GNPTAB: variants seen among roughly 807,000 people sequenced by gnomAD.
GNPTAB encodes the protein N-acetylglucosamine-1-phosphotransferase subunits alpha/beta.
A neutral mutation model predicts 136.6 loss-of-function variants in GNPTAB; 92 were observed. The observed-to-expected ratio is 0.67, with a 90% confidence interval of 0.57 to 0.80. The LOEUF (loss-of-function observed/expected upper bound fraction) is 0.80, where lower values mean the gene tolerates loss of function less well. GNPTAB is among the 30% of genes least tolerant of loss of function. The pLI is 0.00. For synonymous variants in GNPTAB, 512 were observed against 535.1 expected, an observed-to-expected ratio of 0.96 and a Z score of 0.60; for missense variants, 1,343 against 1,501.8, an observed-to-expected ratio of 0.89 and a Z score of 1.75.
At chr12:101,747,453 G>A (rs371069588) in intron 20 of GNPTAB, among the ~76,000 whole-genome samples, 1 of 152,114 alleles carries the variant, frequency 6.6e-6, no homozygotes, top group Admixed American at 6.5e-5. Flanking sequence ...CTAGATATGT[G>A]CCCACAAAGA....
intron 1 of GNPTAB, among the ~76,000 whole-genome samples, chr12:101,799,712 A>AC (rs1869497549): frequency 7.6e-6 from 1 of 131,214 alleles, no homozygotes; most frequent in African/African-American, 3.2e-5. Flanking sequence ...TGAAGTCAGG[A>AC]AGTACCTTGC....
intron 12 of GNPTAB, 121 bp from the exon 13 acceptor site, chr12:101,765,425 T>G (rs779859357): frequency 2.8e-6 from 2 of 725,252 alleles, no homozygotes; most frequent in African/African-American, 1.8e-5. Context: ...GAATGCATCA[T>G]GAATTTGCAT....
chr12:101,826,987 G>A (rs1380606310), intron 1 of GNPTAB, among the ~76,000 whole-genome samples: 1 of 128,186 alleles, frequency 7.8e-6, no homozygotes, highest in East Asian at 2.2e-4. Flanking sequence ...TTGAGACCAG[G>A]TCTACCAGGC....
chr12:101,783,400 G>A lies in GNPTAB; in HGVS notation c.571+2612C>T, dbSNP rs141544155. ...AAGGAAAATAAAATGTCCCAAGGGAGAGGGATTACGTGAGTTCTGTGTGAC... is the reference window on the plus strand; with the variant it reads ...AAGGAAAATAAAATGTCCCAAGGGAAAGGGATTACGTGAGTTCTGTGTGAC... On this transcript the variant is annotated intron_variant, in intron 5 of 20. Transcript: ENST00000299314. 1.8e-4 allele frequency among the ~76,000 whole-genome samples: 27 copies of A among 152,306 alleles called. No homozygotes were observed. The East Asian group carries it at 4.6e-3, about 26-fold the overall frequency.
chr12:101,804,969 T>C (rs1266067472), intron 1 of GNPTAB, among the ~76,000 whole-genome samples: 5 of 152,208 alleles, frequency 3.3e-5, no homozygotes, highest in Non-Finnish European at 5.9e-5. Context: ...CTATAGGATG[T>C]ATAAGGTATT....
intron 2 of GNPTAB, chr12:101,795,954 G>T: frequency 2.8e-6 from 1 of 350,912 alleles, no homozygotes; most frequent in Admixed American, 4.5e-5. Flanking sequence ...GTCTTGTGAA[G>T]AGGAAAAAAA....
chr12:101,823,263 C>T (rs1439458880), intron 1 of GNPTAB, among the ~76,000 whole-genome samples: 6 of 152,076 alleles, frequency 3.9e-5, no homozygotes, highest in African/African-American at 4.8e-5. Flanking sequence ...GCCAGGTATG[C>T]GGTGTAGGCA....
chr12:101,760,043 T>C lies in GNPTAB; in HGVS notation c.3236A>G (p.Tyr1079Cys), dbSNP rs753813157. Residue 1079 changes from tyrosine to cysteine, a missense_variant, in exon 16 of 21, where the codon TAT (tyrosine) becomes TGT (cysteine). Coordinates refer to ENST00000299314, the MANE Select transcript of GNPTAB (RefSeq NM_024312.5). ...NNIPPTQESYYDPNLPPVTKS... is the reference protein window; with the variant it reads ...NNIPPTQESYCDPNLPPVTKS... ...CATTCCACTTACCAGGTTGGGATCA[T>C]AGTAGGATTCCTGAGTTGGTGGAAT... The C allele has an allele frequency of 1.1e-5, 17 of 1,603,470 alleles. No individual in the cohort carries two copies. Among genetic ancestry groups the C allele is most frequent in the Admixed American group, 1.7e-5 (1 of 60,006 alleles).
chr12:101,768,043 A>T lies in GNPTAB; in HGVS notation c.1402T>A (p.Cys468Ser), dbSNP rs281864979. The change falls in exon 11 of 21, where the codon TGC (cysteine) becomes AGC (serine). Residue 468 changes from cysteine (C) to serine (S), a missense_variant. By Grantham distance (112) the Cys-to-Ser change is moderately radical. Transcript: ENST00000299314. ...CAGTTTAACACATCCTTACCAGAGC[A>T]ATCCCCACCATCCCAATCGCAGGCT... ...NSACDWDGGD[C>S]SGNSGGSRYI... 6.2e-7 allele frequency: 1 copy of T among 1,614,088 alleles called. No homozygotes were observed. Among genetic ancestry groups the T allele is most frequent in the African/African-American group, 1.3e-5 (1 of 74,950 alleles).
chr12:101,768,491 G>T (rs189767277), intron 10 of GNPTAB, among the ~76,000 whole-genome samples: 155 of 152,320 alleles, frequency 1.0e-3, no homozygotes, highest in Admixed American at 0.01. Context: ...AGACTTGACT[G>T]CAAGTACCAA....
intron 2 of GNPTAB, among the ~76,000 whole-genome samples, chr12:101,794,947 T>A (rs1274735826): frequency 6.6e-6 from 1 of 152,176 alleles, no homozygotes; most frequent in Non-Finnish European, 1.5e-5. Flanking sequence ...TAAAAATTTT[T>A]AAAAACGTTT....
chr12:101,763,717 G>A (rs1953037417), intron 13 of GNPTAB, among the ~76,000 whole-genome samples: 1 of 152,216 alleles, frequency 6.6e-6, no homozygotes, highest in South Asian at 2.1e-4. Context: ...TGAGAGCACT[G>A]AGGAGAGGTA....
chr12:101,790,898 A>C (rs1868950782), intron 2 of GNPTAB, among the ~76,000 whole-genome samples: 1 of 150,172 alleles, frequency 6.7e-6, no homozygotes, highest in Non-Finnish European at 1.5e-5. Context: ...TTTTCACAGC[A>C]CTTACTACTT....
At chr12:101,813,892 A>G (rs1274892226) in intron 1 of GNPTAB, among the ~76,000 whole-genome samples, 3 of 152,144 alleles carry the variant, frequency 2.0e-5, no homozygotes, top group African/African-American at 7.2e-5. Context: ...CAGCCTGGCC[A>G]ATATGGTGAA....
rs1487363846 is a variant in GNPTAB, at chr12:101,780,186, T to G, written c.737A>C (p.Lys246Thr). The change falls in exon 7 of 21, where the codon AAA becomes ACA. Residue 246 changes from lysine (K) to threonine (T), a missense_variant. Coordinates refer to ENST00000299314, the MANE Select transcript of GNPTAB (RefSeq NM_024312.5). ...TFKETNQLKT[K>T]LPENLSSKVK... Reference sequence around the variant, plus strand: ...TTTAGAGGAAAGATTTTCTGGCAATTTTGTTTTTAGTTGATTTGTTTCCTT... The same window carrying G: ...TTTAGAGGAAAGATTTTCTGGCAATGTTGTTTTTAGTTGATTTGTTTCCTT... 1 of 1,613,850 alleles carries G rather than the reference T, an allele frequency of 6.2e-7. No homozygotes were observed. Among genetic ancestry groups the G allele is most frequent in the Admixed American group, 1.7e-5 (1 of 60,010 alleles).
chr12:101,753,241 A>G, intron 19 of GNPTAB, 131 bp downstream of exon 19: 1 of 808,578 alleles, frequency 1.2e-6, no homozygotes. Flanking sequence ...CAACAAGAAC[A>G]AAACTCCGTC....
At chr12:101,822,650 T>C (rs991220327) in intron 1 of GNPTAB, among the ~76,000 whole-genome samples, 1 of 152,212 alleles carries the variant, frequency 6.6e-6, no homozygotes, top group Admixed American at 6.5e-5. Context: ...GCTTTCTCCC[T>C]GCAGCAGGCC....
Position 101,785,992 on chromosome 12 carries a change from T to A in GNPTAB, c.571+20A>T. On this transcript the variant is annotated intron_variant, in intron 5 of 20. Transcript: ENST00000299314. ...ATCCAATGATAACATGATTTTAAAA[T>A]ATCCATAAAAAGATCTTACCATCCT... 1 of 1,517,118 alleles carries A rather than the reference T, an allele frequency of 6.6e-7. No homozygotes were observed. The highest frequency in any genetic ancestry group is 2.3e-5 in the East Asian group (1 of 44,372). The allele number at this position is 1,517,118 out of a possible 1,614,324, so 94.0% of individuals were successfully genotyped here. A position where few individuals can be genotyped will look rare whatever the true frequency, so the allele number is the denominator to read the frequency against.
rs1336947085 is a variant in GNPTAB, at chr12:101,780,373, G to A, written c.637-87C>T. 4.5e-5 allele frequency: 62 copies of A among 1,369,746 alleles called. No homozygotes were observed. In the East Asian group the frequency reaches 1.4e-3, roughly 31 times the overall value. 84.8% of individuals were successfully genotyped at this position (1,369,746 alleles called of 1,614,324 possible). ...CTGAGAAAACTGGTAAAGATCTATTGCATCACAACACAAGCTTCAAAATAT... is the reference window on the plus strand; with the variant it reads ...CTGAGAAAACTGGTAAAGATCTATTACATCACAACACAAGCTTCAAAATAT... On this transcript the variant is annotated intron_variant, in intron 6 of 20. Coordinates refer to ENST00000299314, the MANE Select transcript of GNPTAB (RefSeq NM_024312.5).
Sources: allele counts gnomAD v4.1 joint callset (sites outside exome capture counted in the v4.1 genomes callset), GRCh38; gene constraint gnomAD v4.1.1; transcripts MANE v1.5; gene names NCBI Gene and HGNC (gene_info 2026-07-23, HGNC 2026-07-21).